The following EBPL variants were observed in gnomAD, a reference collection of about 807,000 sequenced individuals.
EBPL encodes emopamil-binding protein-like.
Under a neutral mutation model 19.0 loss-of-function variants are expected in EBPL, and 20 were observed. The ratio of observed to expected loss-of-function variants is 1.05; its 90% CI spans 0.74 to 1.53. EBPL has a LOEUF of 1.53. EBPL is among the 40% of genes most tolerant of loss of function. The probability of loss-of-function intolerance (pLI) is 0.00; values close to 1 mark genes in which losing one functional copy is unlikely to be tolerated. For missense variants in EBPL, 219 were observed against 261.1 expected (o/e 0.84, Z 1.11); for synonymous variants, 107 against 117.0 (o/e 0.91, Z 0.55).
At chr13:49,689,474 C>G (rs570379695) in intron 1 of EBPL, among the ~76,000 whole-genome samples, 1 of 152,056 alleles carries the variant, frequency 6.6e-6, no homozygotes, top group Non-Finnish European at 1.5e-5. Flanking sequence ...CTCAGCCACC[C>G]GGGTAGCTGA....
intron 1 of EBPL, among the ~76,000 whole-genome samples, chr13:49,681,656 A>T (rs1181917380): frequency 6.6e-6 from 1 of 152,122 alleles, no homozygotes; most frequent in Non-Finnish European, 1.5e-5. Flanking sequence ...CAAAGCTCAG[A>T]TCAAACAAAT....
chr13:49,661,267 G>A, intron 3 of EBPL, 59 bp from the exon 4 acceptor site: 1 of 1,364,782 alleles, frequency 7.3e-7, no homozygotes, highest in Non-Finnish European at 1.0e-6. Flanking sequence ...TGGCATCAGA[G>A]TCATGACATC....
chr13:49,661,608 GAT>G (rs1965149531), intron 3 of EBPL, among the ~76,000 whole-genome samples: 1 of 152,132 alleles, frequency 6.6e-6, no homozygotes, highest in South Asian at 2.1e-4. Context: ...GACTAAATGA[GAT>G]ATGAGGATAA....
At chr13:49,682,440 C>A (rs865967624) in intron 1 of EBPL, among the ~76,000 whole-genome samples, 3 of 152,184 alleles carry the variant, frequency 2.0e-5, no homozygotes, top group African/African-American at 2.4e-5. Context: ...AAATGCTAAT[C>A]CGGGTATGGA....
intron 1 of EBPL, among the ~76,000 whole-genome samples, chr13:49,686,236 C>T (rs1171301600): frequency 1.3e-5 from 2 of 152,234 alleles, no homozygotes; most frequent in African/African-American, 2.4e-5. Flanking sequence ...TTTTACCCTT[C>T]TTCGGCCATC....
At chr13:49,675,149 A>G (rs776536350) in intron 1 of EBPL, among the ~76,000 whole-genome samples, 1 of 152,234 alleles carries the variant, frequency 6.6e-6, no homozygotes, top group Non-Finnish European at 1.5e-5. Context: ...CATAGAGTGT[A>G]TTCACACAAA....
In EBPL at chr13:49,678,551, G is replaced by A. The variant is rs544429607; in HGVS notation, c.172-8705C>T. Among the ~76,000 whole-genome samples the A allele has an allele frequency of 4.9e-4, 74 of 152,290 alleles. No individual in the cohort carries two copies. The South Asian group carries it at 0.012, about 25-fold the overall frequency. On this transcript the variant is annotated intron_variant, in intron 1 of 3. Coordinates refer to ENST00000242827, the MANE Select transcript of EBPL (RefSeq NM_032565.5). ...GCTCACCCTCCACAGCTGCTGGCCCGGGTGCTAAGCCCCTCCTTAACTGGG... is the reference window on the plus strand; with the variant it reads ...GCTCACCCTCCACAGCTGCTGGCCCAGGTGCTAAGCCCCTCCTTAACTGGG...
At chr13:49,688,676 G>A (rs955282404) in intron 1 of EBPL, among the ~76,000 whole-genome samples, 10 of 138,968 alleles carry the variant, frequency 7.2e-5, no homozygotes, top group South Asian at 4.5e-4. Context: ...CCGAGATTGC[G>A]CCACTGCACT....
chr13:49,661,469 C>G (rs1965147785), intron 3 of EBPL, among the ~76,000 whole-genome samples: 1 of 152,128 alleles, frequency 6.6e-6, no homozygotes, highest in Non-Finnish European at 1.5e-5. Context: ...GGGATCCTGA[C>G]CCATTCTTGG....
chr13:49,664,319 G>A (rs1965195473), intron 2 of EBPL, among the ~76,000 whole-genome samples: 1 of 152,152 alleles, frequency 6.6e-6, no homozygotes, highest in Non-Finnish European at 1.5e-5. Flanking sequence ...GGGCAGGGAG[G>A]GGAGGAGAGA....
intron 1 of EBPL, among the ~76,000 whole-genome samples, chr13:49,685,807 A>G (rs1242860275): frequency 6.6e-6 from 1 of 151,750 alleles, no homozygotes; most frequent in African/African-American, 2.4e-5. Context: ...TGGGAGGCAG[A>G]GGTTGCAGTG....
rs1420838164 is a variant in EBPL at position 49,663,137 on chromosome 13, A to AT, written c.299_300insA (p.Val101CysfsTer73). 6.2e-7 allele frequency: 1 copy of AT among 1,614,222 alleles called. No homozygotes were observed. The highest frequency in any genetic ancestry group is 1.1e-5 in the South Asian group (1 of 91,078). On this transcript the variant is annotated frameshift_variant, in exon 3 of 4. Coordinates refer to ENST00000242827, the MANE Select transcript of EBPL (RefSeq NM_032565.5). LOFTEE classifies it high-confidence loss of function. Reference sequence around the variant, plus strand: ...CCAGGGCGACGGTCAGAATTTCCACAGACACAATGGTTGGATCAAAATAAA... The same window carrying AT: ...CCAGGGCGACGGTCAGAATTTCCACATGACACAATGGTTGGATCAAAATAAA...
At chr13:49,665,365 G>A (rs1302032463) in intron 2 of EBPL, among the ~76,000 whole-genome samples, 9 of 152,102 alleles carry the variant, frequency 5.9e-5, no homozygotes, top group Admixed American at 6.6e-5. Flanking sequence ...TCCGCCTCCC[G>A]TGTTCAAGCA....
chr13:49,691,415 C>T lies in EBPL; in HGVS notation c.10G>A (p.Glu4Lys). Residue 4 changes from glutamate to lysine, a missense_variant, in exon 1 of 4, where the codon GAG (glutamate) becomes AAG (lysine). Coordinates refer to ENST00000242827, the MANE Select transcript of EBPL (RefSeq NM_032565.5). ...CCAGCCTCGGCCCCCAGCTCCCACT[C>T]AGCGCCCATGCTTCAGGCTTCCGAC... is the stretch of plus-strand genomic sequence containing the variant. MGA[E>K]WELGAEAGGS... 1 of 1,345,124 alleles carries T rather than the reference C, an allele frequency of 7.4e-7. No individual in the cohort carries two copies. The highest frequency in any genetic ancestry group is 2.3e-4 in the Middle Eastern group (1 of 4,334). 83.3% of individuals were successfully genotyped at this position (1,345,124 alleles called of 1,614,324 possible).
intron 1 of EBPL, among the ~76,000 whole-genome samples, chr13:49,680,641 G>A (rs1356533085): frequency 6.6e-6 from 1 of 152,114 alleles, no homozygotes; most frequent in Non-Finnish European, 1.5e-5. Context: ...GGCCATCATG[G>A]TGAAACCCCC....
chr13:49,691,376 GC>G lies in EBPL; in HGVS notation c.48del (p.Leu17CysfsTer50). 7.3e-7 allele frequency: 1 copy of G among 1,362,862 alleles called. No individual in the cohort carries two copies. The highest frequency in any genetic ancestry group is 2.8e-5 in the Admixed American group (1 of 35,152). 84.4% of individuals were successfully genotyped at this position (1,362,862 alleles called of 1,614,324 possible). A position where few individuals can be genotyped will look rare whatever the true frequency, so the allele number is the denominator to read the frequency against. ...ELGAEAGGSL[L>X]LCAALLAAGC... ...CCCGCCGCCAGCAGCGCGGCGCACA[GC>G]AGCAGCGAACCGCCAGCCTCGGCCC... is the stretch of plus-strand genomic sequence containing the variant. On this transcript the variant is annotated frameshift_variant, in exon 1 of 4. Transcript: ENST00000242827. LOFTEE classifies it high-confidence loss of function.
intron 1 of EBPL, among the ~76,000 whole-genome samples, chr13:49,683,545 ACAAAAAAAAC>A (rs150380486): frequency 0.31 from 35,810 of 116,514 alleles, 5,026 homozygotes; most frequent in Non-Finnish European, 0.42. Flanking sequence ...AAACAAACAA[ACAAAAAAAAC>A]AAAAACAAAA....
intron 3 of EBPL, chr13:49,661,962 T>C (rs1299875690): frequency 6.6e-7 from 1 of 1,514,168 alleles, no homozygotes; most frequent in East Asian, 2.5e-5. Flanking sequence ...GAGGAGAGTT[T>C]ATAGTCTCTG....
chr13:49,661,224 A>C lies in EBPL; in HGVS notation c.381-16T>G, dbSNP rs1380665513. 1.2e-6 allele frequency: 2 copies of C among 1,602,098 alleles called. No homozygotes were observed. The highest frequency in any genetic ancestry group is 1.3e-5 in the African/African-American group (1 of 74,618). On this transcript the variant is annotated splice_polypyrimidine_tract_variant and intron_variant, in intron 3 of 3. Transcript: ENST00000242827. ...CAGGAAATGCCTGTTGGAGAGAAAGAAGCCCGGGATGAACCACCAGCTTGG... is the reference window on the plus strand; with the variant it reads ...CAGGAAATGCCTGTTGGAGAGAAAGCAGCCCGGGATGAACCACCAGCTTGG...
Sources: gnomAD v4.1 joint callset for allele counts (sites outside exome capture counted in the v4.1 genomes callset) on GRCh38, gnomAD v4.1.1 for gene constraint, MANE v1.5 for transcripts, NCBI Gene and HGNC (gene_info 2026-07-23, HGNC 2026-07-21) for gene names.